CDK6: variants seen among roughly 807,000 people sequenced by gnomAD.
CDK6 encodes cyclin-dependent kinase 6.
A neutral mutation model predicts 37.1 loss-of-function variants in CDK6; 6 were observed. The ratio of observed to expected loss-of-function variants is 0.16; its 90% CI spans 0.09 to 0.32. The LOEUF is 0.32. Among genes scored for constraint, CDK6 ranks in the 10% least tolerant of loss-of-function variants. CDK6 has a pLI of 1.00. For synonymous variants in CDK6, 160 were observed against 161.3 expected (o/e 0.99, Z 0.06); for missense variants, 224 against 418.9 (o/e 0.53, Z 4.06).
At chr7:92,753,295 C>A (rs1037417577) in intron 3 of CDK6, among the ~76,000 whole-genome samples, 2 of 152,004 alleles carry the variant, frequency 1.3e-5, no homozygotes, top group Non-Finnish European at 2.9e-5. Context: ...GACCAGAGAT[C>A]CCATAATTAG....
rs138016638 is a variant in CDK6, at chr7:92,699,501, C to A, written c.537+26125G>T. Among the ~76,000 whole-genome samples the A allele has an allele frequency of 4.7e-3, 717 of 152,332 alleles. 4 individuals are homozygous for A. Among genetic ancestry groups the A allele is most frequent in the African/African-American group, 0.017 (687 of 41,560 alleles). The stretch of plus-strand genomic sequence containing the variant: ...AAATTCTCCTCAAAGGCAGTAACAT[C>A]ATTTTTACTTATTTCATGTCCTCAT... On this transcript the variant is annotated intron_variant, in intron 4 of 7. Transcript: ENST00000424848.
intron 4 of CDK6, among the ~76,000 whole-genome samples, chr7:92,677,104 T>C (rs1016045316): frequency 6.6e-6 from 1 of 152,232 alleles, no homozygotes; most frequent in Non-Finnish European, 1.5e-5. Flanking sequence ...TTTGCTCTAG[T>C]CTGTGTAAAT....
intron 3 of CDK6, among the ~76,000 whole-genome samples, chr7:92,771,050 A>G (rs898168022): frequency 1.3e-5 from 2 of 152,002 alleles, no homozygotes; most frequent in Non-Finnish European, 1.5e-5. Flanking sequence ...CAGCCTGACT[A>G]ACATGGTGAA....
chr7:92,807,667 T>A (rs1800762698), intron 2 of CDK6, among the ~76,000 whole-genome samples: 1 of 151,944 alleles, frequency 6.6e-6, no homozygotes, highest in African/African-American at 2.4e-5. Flanking sequence ...TCTCAACCTT[T>A]CCCTCCATAA....
intron 2 of CDK6, among the ~76,000 whole-genome samples, chr7:92,775,804 A>T (rs551724568): frequency 4.4e-4 from 67 of 152,226 alleles, no homozygotes; most frequent in Middle Eastern, 6.8e-3. Context: ...TTTAATTTTT[A>T]AAAAAAATTG....
chr7:92,708,744 T>C (rs1285455312), intron 4 of CDK6, among the ~76,000 whole-genome samples: 2 of 152,194 alleles, frequency 1.3e-5, no homozygotes, highest in Non-Finnish European at 2.9e-5. Context: ...CACTAGAAAA[T>C]TTCTGATTTA....
At chr7:92,653,310 C>T (rs11764331) in intron 5 of CDK6, among the ~76,000 whole-genome samples, 31,151 of 152,112 alleles carry the variant, frequency 0.2, 3,891 homozygotes, top group Middle Eastern at 0.37. Flanking sequence ...TGCAGGCCCA[C>T]ATCACAAGCA....
rs540464653 is a variant in CDK6 at position 92,639,374 on chromosome 7, T to C, written c.648-16288A>G. Among the ~76,000 whole-genome samples, 4 of 152,318 alleles carry C rather than the reference T, an allele frequency of 2.6e-5. No homozygotes were observed. The South Asian group carries it at 8.3e-4, about 32-fold the overall frequency. ...TTGGTGACCAGATCCTTAGGTTCTT[T>C]TGCATATTAGTGGTCTGAGGAGCAT... On this transcript the variant is annotated intron_variant, in intron 5 of 7. Coordinates refer to ENST00000424848, the MANE Select transcript of CDK6 (RefSeq NM_001145306.2).
intron 5 of CDK6, among the ~76,000 whole-genome samples, chr7:92,648,354 A>G (rs1449120072): frequency 2.0e-5 from 3 of 152,238 alleles, no homozygotes; most frequent in Non-Finnish European, 4.4e-5. Context: ...TCTTGACATG[A>G]GTCAAGTGAC....
At chr7:92,769,797 C>T (rs1799666797) in intron 3 of CDK6, among the ~76,000 whole-genome samples, 2 of 152,086 alleles carry the variant, frequency 1.3e-5, no homozygotes, top group Admixed American at 1.3e-4. Flanking sequence ...AATTTCTTTA[C>T]AGTTCTTTCT....
chr7:92,631,008 C>T (rs140107460), intron 5 of CDK6, among the ~76,000 whole-genome samples: 11 of 152,250 alleles, frequency 7.2e-5, no homozygotes, highest in African/African-American at 2.6e-4. Context: ...AGATATCACT[C>T]GACCAAATTA....
intron 2 of CDK6, among the ~76,000 whole-genome samples, chr7:92,786,636 C>CAT (rs35129215): frequency 0.069 from 9,690 of 139,856 alleles, 460 homozygotes; most frequent in African/African-American, 0.14. Context: ...TGTGTGTATA[C>CAT]ATATATATAT....
At chr7:92,823,389 A>G (rs146522180) in intron 2 of CDK6, among the ~76,000 whole-genome samples, 94 of 151,412 alleles carry the variant, frequency 6.2e-4, no homozygotes, top group African/African-American at 2.1e-3. Flanking sequence ...TGGGCTTAAA[A>G]TAATTTGTAA....
Position 92,748,957 on chromosome 7 carries a change from G to A in CDK6, c.370-23164C>T, listed in dbSNP as rs149476273. 3.9e-3 allele frequency among the ~76,000 whole-genome samples: 596 copies of A among 152,224 alleles called. 3 individuals carry two copies. The highest frequency in any genetic ancestry group is 0.012 in the African/African-American group (503 of 41,552). ...TGGCTCACACCTGTAATCCCAGCAT[G>A]TGGGAGGCCGAGGTGGGCATATCAC... is the stretch of plus-strand genomic sequence containing the variant. On this transcript the variant is annotated intron_variant, in intron 3 of 7. Coordinates refer to ENST00000424848, the MANE Select transcript of CDK6 (RefSeq NM_001145306.2).
chr7:92,743,421 A>T (rs1032145081), intron 3 of CDK6, among the ~76,000 whole-genome samples: 1 of 150,578 alleles, frequency 6.6e-6, no homozygotes, highest in South Asian at 2.1e-4. Flanking sequence ...TAAAAATAAT[A>T]ATAAAAAAAG....
At chr7:92,710,092 C>T (rs2116678515) in intron 4 of CDK6, among the ~76,000 whole-genome samples, 1 of 152,290 alleles carries the variant, frequency 6.6e-6, no homozygotes. Flanking sequence ...GGGTGTATCT[C>T]TAGACTAATG....
intron 3 of CDK6, among the ~76,000 whole-genome samples, chr7:92,744,741 T>C (rs916172010): frequency 6.6e-6 from 1 of 152,188 alleles, no homozygotes; most frequent in Non-Finnish European, 1.5e-5. Context: ...AATCCAAATT[T>C]CTCCAAGTAA....
intron 2 of CDK6, among the ~76,000 whole-genome samples, chr7:92,802,328 G>GA (rs1800601256): frequency 6.6e-6 from 1 of 151,926 alleles, no homozygotes; most frequent in Admixed American, 6.6e-5. Context: ...TAAAATATTT[G>GA]AAAAAATGGA....
In CDK6 at chr7:92,782,727, G is replaced by A. The variant is rs534674719; in HGVS notation, c.234-7896C>T. 2.0e-5 allele frequency among the ~76,000 whole-genome samples: 3 copies of A among 152,184 alleles called. No individual in the cohort carries two copies. In the South Asian group the frequency reaches 6.2e-4, roughly 32 times the overall value. ...GCCCAGTGTGTTTGATCTACCCCTG[G>A]ATTTATTAATTATGTGAGTCACTAA... is the stretch of plus-strand genomic sequence containing the variant. On this transcript the variant is annotated intron_variant, in intron 2 of 7. Transcript: ENST00000424848.
Sources: gnomAD v4.1 joint callset for allele counts (sites outside exome capture counted in the v4.1 genomes callset) on GRCh38, gnomAD v4.1.1 for gene constraint, MANE v1.5 for transcripts, NCBI Gene and HGNC (gene_info 2026-07-23, HGNC 2026-07-21) for gene names.